Variants in PPP1R9A observed in about 807,000 individuals in gnomAD.
PPP1R9A encodes protein phosphatase 1 regulatory subunit 9A, also known as neurabin-1.
A neutral mutation model predicts 141.9 loss-of-function variants in PPP1R9A; 59 were observed. The observed-to-expected ratio is 0.42, with a 90% CI of 0.34 to 0.52. The LOEUF (loss-of-function observed/expected upper bound fraction) is 0.52, where lower values mean the gene tolerates loss of function less well. Among genes scored for constraint, PPP1R9A ranks in the 20% least tolerant of loss-of-function variants. PPP1R9A has a pLI of 0.10. For synonymous variants in PPP1R9A, 500 were observed against 569.7 expected, an observed-to-expected ratio of 0.88 and a Z score of 1.74; for missense variants, 1,444 against 1,611.9, an observed-to-expected ratio of 0.90 and a Z score of 1.78.
At chr7:94,930,097 A>G (rs565715967) in intron 2 of PPP1R9A, among the ~76,000 whole-genome samples, 5 of 152,188 alleles carry the variant, frequency 3.3e-5, no homozygotes, top group African/African-American at 1.2e-4. Context: ...CGAGGGATGA[A>G]CTCATAGGGG....
intron 2 of PPP1R9A, among the ~76,000 whole-genome samples, chr7:94,994,004 TCCTATAACAAAAGACAG>T (rs938145896): frequency 2.0e-5 from 3 of 152,068 alleles, no homozygotes; most frequent in African/African-American, 7.2e-5. Context: ...ATGGCTGACA[TCCTATAACAAAAGACAG>T]ACTGACAAGA....
intron 18 of PPP1R9A, 51 bp downstream of exon 18, chr7:95,286,376 C>G: frequency 6.3e-7 from 1 of 1,599,658 alleles, no homozygotes; most frequent in Non-Finnish European, 8.5e-7. Context: ...TGACGTTTTA[C>G]CCATGAACCA....
At chr7:95,289,484 C>T (rs1412257503) in intron 19 of PPP1R9A, among the ~76,000 whole-genome samples, 4 of 152,156 alleles carry the variant, frequency 2.6e-5, no homozygotes, top group Admixed American at 6.5e-5. Context: ...CTGAAGGTCA[C>T]GAAACATTTA....
chr7:95,161,342 G>A (rs76295095), intron 4 of PPP1R9A, among the ~76,000 whole-genome samples: 259 of 152,118 alleles, frequency 1.7e-3, no homozygotes, highest in African/African-American at 5.9e-3. Flanking sequence ...ATGTCTGTTT[G>A]TGTCTTTTGC....
chr7:94,922,346 A>G (rs1426948474), intron 2 of PPP1R9A, among the ~76,000 whole-genome samples: 1 of 151,940 alleles, frequency 6.6e-6, no homozygotes, highest in Admixed American at 6.6e-5. Context: ...AACTGTTATA[A>G]TTTCTACTTG....
rs1791294590 is a variant in PPP1R9A, at chr7:94,910,173, G to A, written c.60G>A (p.Arg20=). The A allele has an allele frequency of 1.2e-6, 2 of 1,613,950 alleles. No homozygotes were observed. The highest frequency in any genetic ancestry group is 2.7e-5 in the African/African-American group (2 of 74,884). Reference sequence around the variant, plus strand: ...CTCTCAGAAGTGCCTCTCCTCACAGGAATGCATATCGAACTGAGTTTCAGG... The same window carrying A: ...CTCTCAGAAGTGCCTCTCCTCACAGAAATGCATATCGAACTGAGTTTCAGG... ...RTTLRSASPH[R]NAYRTEFQAL... The change falls in exon 2 of 20, where the codon AGG becomes AGA. Residue 20 remains arginine, a synonymous_variant. Transcript: ENST00000433360. This position sits in a 1 kb window ranked among gnomAD's most constrained non-coding sequence, Gnocchi z 4.5.
intron 2 of PPP1R9A, among the ~76,000 whole-genome samples, chr7:95,050,042 A>G (rs1382637232): frequency 6.6e-6 from 1 of 152,172 alleles, no homozygotes; most frequent in Non-Finnish European, 1.5e-5. Context: ...GCTGGATTGT[A>G]TGGTTAGAGT....
In PPP1R9A at chr7:95,168,802, A is replaced by G. The variant is rs922459656; in HGVS notation, c.1754+6831A>G. On this transcript the variant is annotated intron_variant, in intron 5 of 19. Coordinates refer to ENST00000433360, the MANE Select transcript of PPP1R9A (RefSeq NM_001166160.2). ...GTGAAGATGCTCAACATCAGTAATC[A>G]TCAGAGAAATGCAAAATAAAACTGT... Among the ~76,000 whole-genome samples the G allele has an allele frequency of 2.4e-4, 37 of 152,234 alleles. 1 individual carries two copies. The highest frequency in any genetic ancestry group is 8.9e-4 in the African/African-American group (37 of 41,568).
chr7:94,995,585 T>C (rs1802072486), intron 2 of PPP1R9A, among the ~76,000 whole-genome samples: 1 of 152,076 alleles, frequency 6.6e-6, no homozygotes, highest in East Asian at 1.9e-4. Flanking sequence ...TTCTGTACTC[T>C]ACTGTTAATC....
At chr7:94,973,155 A>G (rs1799048350) in intron 2 of PPP1R9A, among the ~76,000 whole-genome samples, 1 of 152,332 alleles carries the variant, frequency 6.6e-6, no homozygotes, top group Non-Finnish European at 1.5e-5. Flanking sequence ...ATACTGTGAA[A>G]ACAAGAAACC....
chr7:95,132,351 G>A (rs1372898286), intron 4 of PPP1R9A, among the ~76,000 whole-genome samples: 6 of 152,028 alleles, frequency 3.9e-5, no homozygotes, highest in Non-Finnish European at 8.8e-5. Flanking sequence ...TTATTTTGAG[G>A]TATGTTTCTT....
At chr7:95,034,312 TAAC>T (rs1808133271) in intron 2 of PPP1R9A, among the ~76,000 whole-genome samples, 1 of 151,966 alleles carries the variant, frequency 6.6e-6, no homozygotes, top group South Asian at 2.1e-4. Flanking sequence ...ATAAACATAA[TAAC>T]ATTTTTAAAA....
intron 3 of PPP1R9A, among the ~76,000 whole-genome samples, chr7:95,117,393 G>C (rs749943897): frequency 3.9e-5 from 6 of 152,062 alleles, no homozygotes; most frequent in Non-Finnish European, 7.4e-5. Context: ...GTCTCTGTGC[G>C]TTGATTGTGC....
chr7:95,070,947 TA>T (rs1813733846), intron 2 of PPP1R9A, among the ~76,000 whole-genome samples: 1 of 151,824 alleles, frequency 6.6e-6, no homozygotes, highest in African/African-American at 2.4e-5. Flanking sequence ...AAGGTAATGT[TA>T]ATTGGCTAAA....
intron 2 of PPP1R9A, among the ~76,000 whole-genome samples, chr7:95,074,016 G>A (rs1814435084): frequency 6.6e-6 from 1 of 152,168 alleles, no homozygotes. Context: ...CTTCAGCTAT[G>A]CTGCTTGGAA....
intron 5 of PPP1R9A, among the ~76,000 whole-genome samples, chr7:95,179,774 G>A (rs1833446991): frequency 1.7e-5 from 1 of 59,384 alleles, no homozygotes. Flanking sequence ...TTTTACAATA[G>A]CTGCAAAAAA....
chr7:94,932,787 T>C (rs1000032654), intron 2 of PPP1R9A, among the ~76,000 whole-genome samples: 1 of 125,388 alleles, frequency 8.0e-6, no homozygotes. Flanking sequence ...TTTTTTTTGG[T>C]CAGGAGAGGT....
chr7:95,213,199 G>A (rs1275395058), intron 7 of PPP1R9A, among the ~76,000 whole-genome samples: 1 of 151,850 alleles, frequency 6.6e-6, no homozygotes, highest in Non-Finnish European at 1.5e-5. Context: ...GGTATCATTG[G>A]GAGACAGTAT....
intron 2 of PPP1R9A, among the ~76,000 whole-genome samples, chr7:95,067,768 C>T (rs1813158280): frequency 1.3e-5 from 2 of 152,078 alleles, no homozygotes; most frequent in South Asian, 4.1e-4. Context: ...ATAAATACAG[C>T]AGTGCCCAAT....
Sources: gnomAD v4.1 joint callset for allele counts (sites outside exome capture counted in the v4.1 genomes callset) on GRCh38, gnomAD v4.1.1 for gene constraint, Gnocchi (gnomAD v3.1) non-coding constraint, MANE v1.5 for transcripts, NCBI Gene and HGNC (gene_info 2026-07-23, HGNC 2026-07-21) for gene names.